Variants in KLHL29 observed in about 807,000 individuals in gnomAD.
KLHL29 encodes the protein kelch like family member 29.
In KLHL29, 21 loss-of-function variants were observed where a neutral mutation model predicts 80.4. That is an observed-to-expected ratio of 0.26 (90% CI 0.19 to 0.38). The LOEUF (loss-of-function observed/expected upper bound fraction) is 0.38. KLHL29 is among the 10% of genes least tolerant of loss of function. The pLI is 1.00. For synonymous variants in KLHL29, 511 were observed against 526.8 expected, an observed-to-expected ratio of 0.97 and a Z score of 0.41; for missense variants, 867 against 1,223.9, an observed-to-expected ratio of 0.71 and a Z score of 4.35.
chr2:23,584,686 G>T (rs575248396), intron 3 of KLHL29, among the ~76,000 whole-genome samples: 42 of 152,242 alleles, frequency 2.8e-4, no homozygotes, highest in Non-Finnish European at 4.9e-4. Flanking sequence ...AAGTCAAGAG[G>T]CCCAGCACTT....
intron 3 of KLHL29, among the ~76,000 whole-genome samples, chr2:23,627,557 A>G (rs551034455): frequency 1.0e-3 from 152 of 152,324 alleles, no homozygotes; most frequent in African/African-American, 3.5e-3. Flanking sequence ...AAGTCCCCAC[A>G]ATAAAACTGT....
intron 5 of KLHL29, among the ~76,000 whole-genome samples, chr2:23,650,358 C>G (rs1670057443): frequency 6.6e-6 from 1 of 152,096 alleles, no homozygotes; most frequent in South Asian, 2.1e-4. Context: ...TAGAGTCACA[C>G]ACACACACAC....
intron 4 of KLHL29, among the ~76,000 whole-genome samples, chr2:23,640,653 C>T (rs1669742035): frequency 6.6e-6 from 1 of 152,206 alleles, no homozygotes; most frequent in African/African-American, 2.4e-5. Context: ...CCAGTTCTCC[C>T]CGACCTCTCT....
chr2:23,620,823 AG>A (rs895532837), intron 3 of KLHL29, among the ~76,000 whole-genome samples: 1 of 152,150 alleles, frequency 6.6e-6, no homozygotes, highest in African/African-American at 2.4e-5. Flanking sequence ...GAAAGAGAGA[AG>A]GCCAAGCCCG....
intron 1 of KLHL29, among the ~76,000 whole-genome samples, chr2:23,402,272 A>C (rs572202181): frequency 6.6e-6 from 1 of 152,284 alleles, no homozygotes; most frequent in East Asian, 1.9e-4. Context: ...AGTGTTGACT[A>C]TTGTCCTATG....
intron 2 of KLHL29, among the ~76,000 whole-genome samples, chr2:23,542,821 A>T (rs1358507311): frequency 6.6e-6 from 1 of 152,156 alleles, no homozygotes; most frequent in Non-Finnish European, 1.5e-5. Context: ...CACCAGGGAC[A>T]CCTGGGGAAG....
chr2:23,592,294 G>A (rs1156616351), intron 3 of KLHL29, among the ~76,000 whole-genome samples: 7 of 151,434 alleles, frequency 4.6e-5, no homozygotes, highest in Non-Finnish European at 7.4e-5. Flanking sequence ...CAGGGGTGCC[G>A]ATTCCCATCC....
At chr2:23,559,852 G>A (rs1667405005) in intron 2 of KLHL29, among the ~76,000 whole-genome samples, 2 of 152,002 alleles carry the variant, frequency 1.3e-5, no homozygotes, top group Non-Finnish European at 2.9e-5. Context: ...GAACCCGGAG[G>A]AGCCCCAGCT....
chr2:23,687,573 G>T (rs992288334), intron 6 of KLHL29, among the ~76,000 whole-genome samples: 1 of 152,216 alleles, frequency 6.6e-6, no homozygotes, highest in South Asian at 2.1e-4. Context: ...AGTCTGGTGG[G>T]GACACGCTGC....
At chr2:23,563,367 C>T (rs965961279) in intron 3 of KLHL29, among the ~76,000 whole-genome samples, 2 of 152,226 alleles carry the variant, frequency 1.3e-5, no homozygotes, top group Non-Finnish European at 2.9e-5. Context: ...CGGTCCCCAT[C>T]CTGCTTCCTC....
intron 2 of KLHL29, among the ~76,000 whole-genome samples, chr2:23,490,114 A>G (rs1000222187): frequency 7.9e-5 from 12 of 152,232 alleles, no homozygotes; most frequent in Non-Finnish European, 1.5e-4. Context: ...AGGCGCATAC[A>G]TTCTCTGGAG....
rs149501929 is a variant in KLHL29 at position 23,682,661 on chromosome 2, C to T, written c.941-1738C>T. Among the ~76,000 whole-genome samples the T allele has an allele frequency of 0.033, 4,975 of 152,160 alleles. 102 individuals carry two copies. Among genetic ancestry groups the T allele is most frequent in the South Asian group, 0.086 (416 of 4,826 alleles). On this transcript the variant is annotated intron_variant, in intron 5 of 13. Transcript: ENST00000486442. This position sits in a 1 kb window ranked among gnomAD's most constrained non-coding sequence, Gnocchi z 4.1. ...TTTTGTCCACCTGCACCTGCCCCCT[C>T]GTGCTCCTGCACCCTCCCACACCCT...
At chr2:23,592,425 G>A (rs888332000) in intron 3 of KLHL29, among the ~76,000 whole-genome samples, 1 of 152,188 alleles carries the variant, frequency 6.6e-6, no homozygotes, top group Admixed American at 6.5e-5. Context: ...TGTGTCCTGG[G>A]GCAGCTGCTC....
intron 3 of KLHL29, among the ~76,000 whole-genome samples, chr2:23,567,219 G>C (rs1418848467): frequency 6.6e-6 from 1 of 152,214 alleles, no homozygotes; most frequent in African/African-American, 2.4e-5. Flanking sequence ...AAACAGAAAA[G>C]GGACGGCTTC....
intron 1 of KLHL29, among the ~76,000 whole-genome samples, chr2:23,421,252 C>G (rs1298942536): frequency 6.6e-6 from 1 of 152,210 alleles, no homozygotes; most frequent in African/African-American, 2.4e-5. Flanking sequence ...GTGGTGTCTC[C>G]CGGCATGGCC....
intron 2 of KLHL29, among the ~76,000 whole-genome samples, chr2:23,494,433 T>C (rs987464275): frequency 3.3e-5 from 5 of 152,206 alleles, no homozygotes; most frequent in African/African-American, 1.2e-4. Flanking sequence ...TCCTGTGACC[T>C]TAAGGAAACG....
intron 5 of KLHL29, among the ~76,000 whole-genome samples, chr2:23,670,563 C>T (rs1006781798): frequency 2.0e-5 from 3 of 152,164 alleles, no homozygotes; most frequent in Non-Finnish European, 2.9e-5. Flanking sequence ...GACTCCCTGA[C>T]TCTGTGCCAG....
chr2:23,416,990 A>C (rs1666993459), intron 1 of KLHL29, among the ~76,000 whole-genome samples: 1 of 152,190 alleles, frequency 6.6e-6, no homozygotes, highest in Middle Eastern at 3.4e-3. Context: ...TCCCAACCCC[A>C]GCCCAAATCT....
intron 2 of KLHL29, among the ~76,000 whole-genome samples, chr2:23,534,818 G>C (rs1666615865): frequency 6.6e-6 from 1 of 152,182 alleles, no homozygotes; most frequent in East Asian, 1.9e-4. Context: ...AAAAAACAGT[G>C]CCTTTTCTGG....
Sources: gnomAD v4.1 joint callset for allele counts (sites outside exome capture counted in the v4.1 genomes callset) on GRCh38, gnomAD v4.1.1 for gene constraint, Gnocchi (gnomAD v3.1) non-coding constraint, MANE v1.5 for transcripts, NCBI Gene and HGNC (gene_info 2026-07-23, HGNC 2026-07-21) for gene names.